The following LRP12 variants were observed in gnomAD, a reference collection of about 807,000 sequenced individuals.
The protein encoded by LRP12 is LDL receptor related protein 12, also known as low-density lipoprotein receptor-related protein 12.
In LRP12, 14 loss-of-function variants were observed where a neutral mutation model predicts 66.0. The observed-to-expected ratio is 0.21, with a 90% confidence interval of 0.14 to 0.33. The LOEUF (loss-of-function observed/expected upper bound fraction) is 0.33. Among genes scored for constraint, LRP12 ranks in the 10% least tolerant of loss-of-function variants. The pLI, the probability that LRP12 is intolerant of heterozygous loss-of-function variation, is 1.00. For missense variants in LRP12, 889 were observed against 1,053.4 expected (o/e 0.84, Z 2.16); for synonymous variants, 357 against 359.1 (o/e 0.99, Z 0.07).
intron 5 of LRP12, among the ~76,000 whole-genome samples, chr8:104,496,391 CT>C (rs1454654986): frequency 1.3e-5 from 2 of 152,164 alleles, no homozygotes; most frequent in Admixed American, 1.3e-4. Context: ...ACCTTTTCCC[CT>C]ATCTATATTC....
At chr8:104,495,001 C>T in intron 6 of LRP12, 76 bp downstream of exon 6, 1 of 1,364,070 alleles carries the variant, frequency 7.3e-7, no homozygotes. Context: ...AGTCAAGGGT[C>T]TTTGCTTTAT....
At chr8:104,503,736 T>A (rs6468931) in intron 3 of LRP12, among the ~76,000 whole-genome samples, 4,655 of 152,278 alleles carry the variant, frequency 0.031, 234 homozygotes, top group African/African-American at 0.11. Flanking sequence ...ATCTGTGATC[T>A]TTAAGTTTGC....
chr8:104,496,100 T>A (rs1810721923), intron 5 of LRP12: 1 of 152,204 alleles, frequency 6.6e-6, no homozygotes, highest in Non-Finnish European at 1.5e-5. Context: ...ATCTCTGCCA[T>A]TAACTTCTGC....
At chr8:104,531,996 C>T in intron 1 of LRP12, 33 bp from the exon 2 acceptor site, 1 of 1,461,266 alleles carries the variant, frequency 6.8e-7, no homozygotes, top group Non-Finnish European at 9.3e-7. Context: ...AACTAATATC[C>T]AAGATAAAAT....
intron 1 of LRP12, among the ~76,000 whole-genome samples, chr8:104,543,464 G>C (rs116112400): frequency 0.013 from 1,971 of 152,226 alleles, 48 homozygotes; most frequent in African/African-American, 0.044. Flanking sequence ...GACGAATACT[G>C]TGTGTGTTCT....
At chr8:104,543,931 C>G (rs946676041) in intron 1 of LRP12, among the ~76,000 whole-genome samples, 4 of 151,986 alleles carry the variant, frequency 2.6e-5, no homozygotes, top group Non-Finnish European at 5.9e-5. Flanking sequence ...CAAAACAAAA[C>G]AAAACAACAA....
At chr8:104,513,969 C>A (rs1391626236) in intron 2 of LRP12, among the ~76,000 whole-genome samples, 1 of 152,120 alleles carries the variant, frequency 6.6e-6, no homozygotes, top group East Asian at 1.9e-4. Flanking sequence ...TTCAGAATAT[C>A]CTATATTCTG....
intron 2 of LRP12, among the ~76,000 whole-genome samples, chr8:104,521,807 T>A (rs917497710): frequency 1.3e-5 from 2 of 151,914 alleles, no homozygotes; most frequent in African/African-American, 4.8e-5. Context: ...ATGAAAGACA[T>A]TTTTATAACA....
intron 2 of LRP12, among the ~76,000 whole-genome samples, chr8:104,522,543 T>A (rs898333313): frequency 1.3e-5 from 2 of 152,078 alleles, no homozygotes; most frequent in African/African-American, 4.8e-5. Context: ...AGATTCTAAG[T>A]CAAATGCAGA....
intron 3 of LRP12, chr8:104,506,142 C>T (rs949421354): frequency 6.6e-6 from 1 of 152,030 alleles, no homozygotes; most frequent in African/African-American, 2.4e-5. Context: ...TATTACATTA[C>T]AAATATTAAA....
intron 1 of LRP12, among the ~76,000 whole-genome samples, chr8:104,541,243 A>G (rs1811471918): frequency 6.6e-6 from 1 of 152,220 alleles, no homozygotes; most frequent in African/African-American, 2.4e-5. Flanking sequence ...GAACATGCAG[A>G]GATCTTTATG....
chr8:104,490,887 T>C lies in LRP12; in HGVS notation c.2366A>G (p.Asn789Ser). The change falls in exon 7 of 7, where the codon AAT becomes AGT. Residue 789 changes from asparagine to serine, a missense_variant. Physicochemically the swap from Asn to Ser is conservative, Grantham distance 46. Coordinates refer to ENST00000276654, the MANE Select transcript of LRP12 (RefSeq NM_013437.5). ...ATCAAGAAGAGGTCTGGAGCAGTCATTCACATCAAAGTCTGAAGATCCATC... is the reference window on the plus strand; with the variant it reads ...ATCAAGAAGAGGTCTGGAGCAGTCACTCACATCAAAGTCTGAAGATCCATC... ...ISDGSSDFDV[N>S]DCSRPLLDLA... 1 of 1,614,132 alleles carries C rather than the reference T, an allele frequency of 6.2e-7. No homozygotes were observed. The highest frequency in any genetic ancestry group is 8.5e-7 in the Non-Finnish European group (1 of 1,180,016).
chr8:104,539,745 A>T (rs1009601229), intron 1 of LRP12, among the ~76,000 whole-genome samples: 2 of 152,104 alleles, frequency 1.3e-5, no homozygotes, highest in African/African-American at 4.8e-5. Context: ...CACTGTAAAG[A>T]ATCTTATAGA....
chr8:104,527,150 T>C (rs1811251501), intron 2 of LRP12, among the ~76,000 whole-genome samples: 1 of 149,834 alleles, frequency 6.7e-6, no homozygotes, highest in African/African-American at 2.5e-5. Context: ...TCACACCAGT[T>C]AGAATGGCAA....
At chr8:104,538,419 C>A (rs932889287) in intron 1 of LRP12, among the ~76,000 whole-genome samples, 1 of 152,058 alleles carries the variant, frequency 6.6e-6, no homozygotes, top group Non-Finnish European at 1.5e-5. Context: ...CCACAAAAAT[C>A]CTCTTCTCCC....
intron 1 of LRP12, among the ~76,000 whole-genome samples, chr8:104,585,897 CAG>C (rs1467877507): frequency 6.6e-6 from 1 of 152,176 alleles, no homozygotes; most frequent in African/African-American, 2.4e-5. Context: ...GACTAGGAGA[CAG>C]AGGTTTTGGA....
Position 104,497,710 on chromosome 8 carries a change from G to C in LRP12, c.842C>G (p.Pro281Arg). 2 of 1,613,894 alleles carry C rather than the reference G, an allele frequency of 1.2e-6. No individual in the cohort carries two copies. Among genetic ancestry groups the C allele is most frequent in the Non-Finnish European group, 1.7e-6 (2 of 1,179,952 alleles). Residue 281 changes from proline to arginine, a missense_variant, in exon 5 of 7, where the codon CCT becomes CGT. By Grantham distance (103) the Pro-to-Arg change is moderately radical (BLOSUM62 -2). Coordinates refer to ENST00000276654, the MANE Select transcript of LRP12 (RefSeq NM_013437.5). The surrounding 1 kb of genome is among the most constrained non-coding windows in gnomAD (Gnocchi z 4.3). ...NSPNYPDFYP[P>R]GSNCTWLIDT... ...TATTAACCAGGTGCAATTGCTTCCA[G>C]GAGGATAAAAGTCTGGATAATTGGG...
At chr8:104,498,336 T>C (rs1466317348) in intron 4 of LRP12, among the ~76,000 whole-genome samples, 1 of 152,110 alleles carries the variant, frequency 6.6e-6, no homozygotes, top group Non-Finnish European at 1.5e-5. Context: ...AGGTATTAAG[T>C]CCAGTATGCA....
Position 104,491,138 on chromosome 8 carries a change from T to C in LRP12, c.2115A>G (p.Ala705=). Residue 705 remains alanine, a synonymous_variant, in exon 7 of 7, where the codon GCA becomes GCG. Coordinates refer to ENST00000276654, the MANE Select transcript of LRP12 (RefSeq NM_013437.5). ...SSTQSTRGGH[A]DNGRDVTSVE... is the part of the protein sequence containing the mutation. Reference sequence around the variant, plus strand: ...CACTTGTCACATCCCTTCCATTATCTGCATGACCACCTCGGGTACTCTGAG... The same window carrying C: ...CACTTGTCACATCCCTTCCATTATCCGCATGACCACCTCGGGTACTCTGAG... 1 of 1,614,128 alleles carries C rather than the reference T, an allele frequency of 6.2e-7. No individual in the cohort carries two copies.
Sources: allele counts gnomAD v4.1 joint callset (sites outside exome capture counted in the v4.1 genomes callset), GRCh38; gene constraint gnomAD v4.1.1; non-coding constraint Gnocchi (gnomAD v3.1); transcripts MANE v1.5; gene names NCBI Gene and HGNC (gene_info 2026-07-23, HGNC 2026-07-21).